LINGO2: variants seen among roughly 807,000 people sequenced by gnomAD.
The protein encoded by LINGO2 is leucine rich repeat and Ig domain containing 2.
Under a neutral mutation model 30.6 loss-of-function variants are expected in LINGO2, and 14 were observed. That is an observed-to-expected ratio of 0.46 (90% CI 0.30 to 0.72). The LOEUF is 0.72. Ranked by LOEUF, LINGO2 falls within the 30% of genes least tolerant of loss-of-function variation. The pLI is 0.07. For missense variants in LINGO2, 729 were observed against 751.7 expected, an observed-to-expected ratio of 0.97 and a Z score of 0.35; for synonymous variants, 317 against 288.5, an observed-to-expected ratio of 1.10 and a Z score of -1.00.
intron 5 of LINGO2, among the ~76,000 whole-genome samples, chr9:28,008,881 T>C (rs1822405195): frequency 6.6e-6 from 1 of 152,168 alleles, no homozygotes; most frequent in South Asian, 2.1e-4. Context: ...ATCAAAATCA[T>C]GACTGCTTTT....
chr9:28,142,202 T>C (rs1379454047), intron 4 of LINGO2, among the ~76,000 whole-genome samples: 1 of 151,266 alleles, frequency 6.6e-6, no homozygotes, highest in Non-Finnish European at 1.5e-5. Context: ...TACTATGCAT[T>C]AGTAATATAT....
intron 2 of LINGO2, among the ~76,000 whole-genome samples, chr9:28,456,523 T>C (rs187033376): frequency 1.2e-3 from 187 of 152,314 alleles, no homozygotes; most frequent in Admixed American, 6.4e-3. Context: ...GAAGTCTCCC[T>C]TGATTTCAGA....
chr9:28,230,757 T>C (rs953376919), intron 4 of LINGO2, among the ~76,000 whole-genome samples: 1 of 151,946 alleles, frequency 6.6e-6, no homozygotes, highest in African/African-American at 2.4e-5. Flanking sequence ...TGGATGTGCA[T>C]ACTCACTTAT....
chr9:28,885,398 TAC>T, the LINGO2 span, among the ~76,000 whole-genome samples: 1 of 86,466 alleles, frequency 1.2e-5, no homozygotes, highest in African/African-American at 4.5e-5. Flanking sequence ...CATACATACA[TAC>T]ATATATACAT....
chr9:28,798,713 G>A, the LINGO2 span, among the ~76,000 whole-genome samples: 4 of 152,198 alleles, frequency 2.6e-5, no homozygotes, highest in Admixed American at 6.5e-5. Context: ...TCAGCTGCAC[G>A]GTTGCAGGCA....
intron 1 of LINGO2, among the ~76,000 whole-genome samples, chr9:28,554,990 C>G (rs1341939180): frequency 1.3e-3 from 175 of 132,202 alleles, no homozygotes; most frequent in African/African-American, 5.4e-3. Context: ...GGGACGCATT[C>G]AAAGCAGTGT....
intron 5 of LINGO2, among the ~76,000 whole-genome samples, chr9:28,007,849 C>G (rs1243274584): frequency 6.6e-6 from 1 of 152,164 alleles, no homozygotes; most frequent in Middle Eastern, 3.2e-3. Flanking sequence ...AGATTATGGA[C>G]TACATTTTTC....
At chr9:28,866,445 G>A in the LINGO2 span, among the ~76,000 whole-genome samples, 2 of 152,030 alleles carry the variant, frequency 1.3e-5, no homozygotes, top group African/African-American at 4.8e-5. Flanking sequence ...AGAGTACCAC[G>A]GGGCATACAA....
chr9:28,841,424 G>T, the LINGO2 span, among the ~76,000 whole-genome samples: 4 of 151,790 alleles, frequency 2.6e-5, no homozygotes, highest in East Asian at 1.9e-4. Context: ...CTTTACACTT[G>T]CTCATCCATT....
At chr9:28,913,098 A>G in the LINGO2 span, among the ~76,000 whole-genome samples, 7 of 152,024 alleles carry the variant, frequency 4.6e-5, no homozygotes, top group African/African-American at 1.7e-4. Flanking sequence ...TCTAGACAAT[A>G]ATTATCTTTT....
chr9:28,906,733 T>C, the LINGO2 span, among the ~76,000 whole-genome samples: 1 of 151,974 alleles, frequency 6.6e-6, no homozygotes, highest in East Asian at 1.9e-4. Flanking sequence ...CCTAACAAAG[T>C]GACCATCTTA....
rs78950279 is a variant in LINGO2, at chr9:28,032,081, A to C, written c.-86-19676T>G. On this transcript the variant is annotated intron_variant, in intron 4 of 5. Transcript: ENST00000379992. ...TCACTGGGATGAAGACAGCAAAGAA[A>C]AACCGCAGAGCTGGGGGGAAAATAA... Among the ~76,000 whole-genome samples, 3 of 152,028 alleles carry C rather than the reference A, an allele frequency of 2.0e-5. No homozygotes were observed. The East Asian group carries it at 5.8e-4, about 29-fold the overall frequency.
intron 4 of LINGO2, among the ~76,000 whole-genome samples, chr9:28,275,023 C>T (rs999283723): frequency 1.7e-4 from 26 of 152,216 alleles, no homozygotes; most frequent in African/African-American, 6.0e-4. Flanking sequence ...TAAGTCATGT[C>T]TGTTTCTAGT....
At chr9:28,604,824 G>A (rs911194257) in intron 1 of LINGO2, among the ~76,000 whole-genome samples, 2 of 152,036 alleles carry the variant, frequency 1.3e-5, no homozygotes, top group Non-Finnish European at 2.9e-5. Flanking sequence ...GACCTAATAT[G>A]TGAGAATGAG....
chr9:28,121,342 AC>A (rs1488887258), intron 4 of LINGO2, among the ~76,000 whole-genome samples: 1 of 152,150 alleles, frequency 6.6e-6, no homozygotes, highest in East Asian at 1.9e-4. Flanking sequence ...GTTTTACTTT[AC>A]CTATGCAATG....
At chr9:28,087,631 C>T (rs1485879619) in intron 4 of LINGO2, among the ~76,000 whole-genome samples, 1 of 151,956 alleles carries the variant, frequency 6.6e-6, no homozygotes, top group African/African-American at 2.4e-5. Flanking sequence ...GTGTTCAGCA[C>T]CCAGATACAG....
At chr9:28,904,128 A>C in the LINGO2 span, among the ~76,000 whole-genome samples, 1 of 151,342 alleles carries the variant, frequency 6.6e-6, no homozygotes, top group Non-Finnish European at 1.5e-5. Context: ...ATCTCAATCA[A>C]TACAGAAAAA....
At chr9:28,801,560 CTTAGAG>C in the LINGO2 span, among the ~76,000 whole-genome samples, 2 of 151,882 alleles carry the variant, frequency 1.3e-5, no homozygotes, top group Non-Finnish European at 1.5e-5. Context: ...TTTCAGTTAC[CTTAGAG>C]TTACTCTGTG....
At chr9:29,029,941 T>C in the LINGO2 span, among the ~76,000 whole-genome samples, 1 of 152,058 alleles carries the variant, frequency 6.6e-6, no homozygotes. Context: ...TTTCTAATCA[T>C]TAGACTAGTT....
Sources: gnomAD v4.1 joint callset for allele counts (sites outside exome capture counted in the v4.1 genomes callset) on GRCh38, gnomAD v4.1.1 for gene constraint, MANE v1.5 for transcripts, NCBI Gene and HGNC (gene_info 2026-07-23, HGNC 2026-07-21) for gene names.